SLC22A9: variants seen among roughly 807,000 people sequenced by gnomAD.
SLC22A9 encodes organic anion transporter 7.
Under a neutral mutation model 50.1 loss-of-function variants are expected in SLC22A9, and 64 were observed. The ratio of observed to expected loss-of-function variants is 1.28; its 90% CI spans 1.04 to 1.57. The LOEUF is 1.57. SLC22A9 is among the 40% of genes most tolerant of loss of function. The pLI is 0.00. For synonymous variants in SLC22A9, 261 were observed against 242.5 expected (o/e 1.08, Z -0.71); for missense variants, 757 against 676.1 (o/e 1.12, Z -1.33).
intron 5 of SLC22A9, 74 bp from the exon 6 acceptor site, chr11:63,382,085 G>A: frequency 9.6e-7 from 1 of 1,041,264 alleles, no homozygotes; most frequent in South Asian, 1.6e-5. Context: ...CTCATCTGTG[G>A]GTTGACCAGT....
intron 6 of SLC22A9, among the ~76,000 whole-genome samples, chr11:63,398,015 CAG>C (rs2014889951): frequency 6.6e-6 from 1 of 152,154 alleles, no homozygotes; most frequent in Admixed American, 6.5e-5. Flanking sequence ...CAGCACAAGG[CAG>C]AGTCTCACCC....
chr11:63,406,695 C>T lies in SLC22A9; in HGVS notation c.1272C>T (p.Ile424=). Residue 424 remains isoleucine, a synonymous_variant, in exon 7 of 10, where the codon ATC becomes ATT. Transcript: ENST00000279178. The stretch of plus-strand genomic sequence containing the variant: ...TACTGGCAATCTGCCTTCTGGCCAT[C>T]ATATTTGTGCCACAAGGTGAGAAAA... The part of the protein sequence containing the change: ...MFLLAICLLA[I]IFVPQEMQTL... 1 of 1,613,470 alleles carries T rather than the reference C, an allele frequency of 6.2e-7. No individual in the cohort carries two copies. Among genetic ancestry groups the T allele is most frequent in the Non-Finnish European group, 8.5e-7 (1 of 1,179,714 alleles).
intron 6 of SLC22A9, among the ~76,000 whole-genome samples, chr11:63,389,802 T>G (rs983869632): frequency 6.6e-6 from 1 of 152,184 alleles, no homozygotes; most frequent in African/African-American, 2.4e-5. Flanking sequence ...CCACTAACAG[T>G]ATAAAAGTTT....
chr11:63,373,546 G>T (rs2014402260), intron 2 of SLC22A9, 98 bp from the exon 3 acceptor site: 2 of 1,254,462 alleles, frequency 1.6e-6, no homozygotes, highest in Non-Finnish European at 2.1e-6. Context: ...AGTTTCACTT[G>T]TTAAACATCT....
At position 63,393,250 on chromosome 11, in the gene SLC22A9, C is replaced by T. The variant is rs115934585; in HGVS notation, c.1073+10973C>T. On this transcript the variant is annotated intron_variant, in intron 6 of 9. Coordinates refer to ENST00000279178, the MANE Select transcript of SLC22A9 (RefSeq NM_080866.3). ...AAGTATTTTAATTTTTTTGCAGCTA[C>T]GATAAAAAGGGTTGGGTTCTTGATT... Among the ~76,000 whole-genome samples, 981 of 151,996 alleles carry T rather than the reference C, an allele frequency of 6.5e-3. 10 individuals carry two copies. Among genetic ancestry groups the T allele is most frequent in the African/African-American group, 0.021 (873 of 41,516 alleles).
chr11:63,378,543 G>A (rs1274902380), intron 5 of SLC22A9, among the ~76,000 whole-genome samples: 1 of 151,918 alleles, frequency 6.6e-6, no homozygotes, highest in African/African-American at 2.4e-5. Flanking sequence ...ACAAAAGAAA[G>A]AAAAGGCCAC....
intron 5 of SLC22A9, 145 bp downstream of exon 5, chr11:63,375,913 G>A: frequency 9.5e-7 from 1 of 1,051,192 alleles, no homozygotes; most frequent in Non-Finnish European, 1.3e-6. Context: ...CATTTTTAAT[G>A]GGCTTCAATA....
chr11:63,402,475 A>G (rs1418745559), intron 6 of SLC22A9, among the ~76,000 whole-genome samples: 2 of 151,964 alleles, frequency 1.3e-5, no homozygotes, highest in African/African-American at 4.8e-5. Context: ...TGGTCTATGT[A>G]TCTGCTCTTA....
At chr11:63,407,985 T>C in intron 7 of SLC22A9, 127 bp from the exon 8 acceptor site, 1 of 655,922 alleles carries the variant, frequency 1.5e-6, no homozygotes, top group Non-Finnish European at 2.6e-6. Context: ...TTTGCCTCTA[T>C]GCAGTTTCCC....
At chr11:63,397,997 C>T (rs1040893266) in intron 6 of SLC22A9, among the ~76,000 whole-genome samples, 1 of 152,124 alleles carries the variant, frequency 6.6e-6, no homozygotes, top group Non-Finnish European at 1.5e-5. Flanking sequence ...CCAGGTCCCA[C>T]CTGAAGCCAG....
At chr11:63,382,828 G>A (rs889454741) in intron 6 of SLC22A9, among the ~76,000 whole-genome samples, 1 of 152,144 alleles carries the variant, frequency 6.6e-6, no homozygotes, top group African/African-American at 2.4e-5. Flanking sequence ...GTAAGATGTT[G>A]TAAAACAATA....
chr11:63,399,970 A>G (rs2014925643), intron 6 of SLC22A9, among the ~76,000 whole-genome samples: 1 of 152,146 alleles, frequency 6.6e-6, no homozygotes, highest in South Asian at 2.1e-4. Context: ...AGAAAATTAA[A>G]AATTTCTTGA....
At chr11:63,400,332 C>T (rs1032648163) in intron 6 of SLC22A9, among the ~76,000 whole-genome samples, 1 of 151,982 alleles carries the variant, frequency 6.6e-6, no homozygotes, top group Non-Finnish European at 1.5e-5. Context: ...GATATTACAA[C>T]TGACATCACA....
intron 6 of SLC22A9, among the ~76,000 whole-genome samples, chr11:63,383,805 C>CT (rs2014609909): frequency 6.6e-6 from 1 of 152,132 alleles, no homozygotes; most frequent in African/African-American, 2.4e-5. Flanking sequence ...AATCCCAGCA[C>CT]TTTGAGAGGC....
At chr11:63,397,812 A>G (rs57882576) in intron 6 of SLC22A9, among the ~76,000 whole-genome samples, 46,510 of 151,834 alleles carry the variant, frequency 0.31, 7,785 homozygotes, top group East Asian at 0.72. Context: ...CAGGTCCCAA[A>G]CTGCCATCCA....
intron 6 of SLC22A9, among the ~76,000 whole-genome samples, chr11:63,387,384 T>C (rs139737904): frequency 6.6e-6 from 1 of 152,190 alleles, no homozygotes; most frequent in East Asian, 1.9e-4. Context: ...CCAAGCACCA[T>C]GTATTGAAAA....
At chr11:63,399,310 C>G (rs1338084266) in intron 6 of SLC22A9, among the ~76,000 whole-genome samples, 1 of 152,100 alleles carries the variant, frequency 6.6e-6, no homozygotes. Context: ...AAGTAATGTA[C>G]TTCACCTGTA....
At chr11:63,373,380 T>A (rs181524485) in intron 2 of SLC22A9, among the ~76,000 whole-genome samples, 50 of 152,266 alleles carry the variant, frequency 3.3e-4, no homozygotes, top group Admixed American at 1.2e-3. Context: ...ATGTCCAATA[T>A]TCCACCCTGT....
intron 6 of SLC22A9, among the ~76,000 whole-genome samples, chr11:63,385,851 A>T (rs1445000378): frequency 6.6e-6 from 1 of 152,130 alleles, no homozygotes. Context: ...ATGGTGAAAG[A>T]GGGCATCTTT....
Sources: allele counts gnomAD v4.1 joint callset (sites outside exome capture counted in the v4.1 genomes callset), GRCh38; gene constraint gnomAD v4.1.1; transcripts MANE v1.5; gene names NCBI Gene and HGNC (gene_info 2026-07-23, HGNC 2026-07-21).